SLIT3: variants seen among roughly 807,000 people sequenced by gnomAD.
The protein encoded by SLIT3 is slit homolog 3 protein.
SLIT3 carries 68 observed loss-of-function variants against 184.0 expected under a neutral mutation model. The observed-to-expected ratio is 0.37, with a 90% confidence interval of 0.30 to 0.45. SLIT3 has a LOEUF of 0.45. Among genes scored for constraint, SLIT3 ranks in the 20% least tolerant of loss-of-function variants. The pLI, the probability that SLIT3 is intolerant of heterozygous loss-of-function variation, is 1.00. For synonymous variants in SLIT3, 831 were observed against 828.6 expected (o/e 1.00, Z -0.05); for missense variants, 1,707 against 2,026.0 (o/e 0.84, Z 3.02).
At chr5:169,291,660 C>T (rs1767366244) in intron 1 of SLIT3, among the ~76,000 whole-genome samples, 1 of 152,180 alleles carries the variant, frequency 6.6e-6, no homozygotes, top group African/African-American at 2.4e-5. Flanking sequence ...TGATGCTTTG[C>T]CTCGAACAGG....
chr5:168,853,342 A>C (rs1401234195), intron 5 of SLIT3, among the ~76,000 whole-genome samples: 1 of 152,176 alleles, frequency 6.6e-6, no homozygotes, highest in East Asian at 1.9e-4. Flanking sequence ...GAAATTGCAA[A>C]ATTTAATCTC....
At chr5:168,730,292 A>G (rs547110676) in intron 20 of SLIT3, among the ~76,000 whole-genome samples, 1 of 152,220 alleles carries the variant, frequency 6.6e-6, no homozygotes, top group East Asian at 1.9e-4. Flanking sequence ...TCTTGGTAAC[A>G]CCCTACTGAC....
At chr5:169,056,862 T>C in intron 4 of SLIT3, among the ~76,000 whole-genome samples, 1 of 151,982 alleles carries the variant, frequency 6.6e-6, no homozygotes, top group East Asian at 1.9e-4. Context: ...TCTTACAGAG[T>C]CCAAACGCTC....
chr5:169,253,370 G>A (rs1765843607), intron 1 of SLIT3, among the ~76,000 whole-genome samples: 1 of 152,194 alleles, frequency 6.6e-6, no homozygotes, highest in Non-Finnish European at 1.5e-5. Flanking sequence ...CACACAAAGT[G>A]CACTGCTGAA....
chr5:169,121,004 C>G (rs1019164644), intron 4 of SLIT3, among the ~76,000 whole-genome samples: 4 of 152,164 alleles, frequency 2.6e-5, no homozygotes, highest in African/African-American at 9.7e-5. Context: ...ATGGAACATA[C>G]TATATTTTTC....
chr5:169,029,689 G>T (rs901610148), intron 4 of SLIT3, among the ~76,000 whole-genome samples: 1 of 152,222 alleles, frequency 6.6e-6, no homozygotes, highest in Non-Finnish European at 1.5e-5. Context: ...TTGGAAGGAA[G>T]TAGAAAATCA....
At chr5:169,284,503 G>C (rs1315458720) in intron 1 of SLIT3, among the ~76,000 whole-genome samples, 1 of 152,150 alleles carries the variant, frequency 6.6e-6, no homozygotes, top group Non-Finnish European at 1.5e-5. Context: ...AACACAAATT[G>C]TTAACTGTGG....
intron 6 of SLIT3, among the ~76,000 whole-genome samples, chr5:168,834,500 G>T (rs1033172530): frequency 2.0e-5 from 3 of 151,196 alleles, no homozygotes; most frequent in Admixed American, 6.6e-5. Context: ...GAGACCGGGG[G>T]GTCCAACATG....
At chr5:168,913,099 C>T (rs1761306567) in intron 4 of SLIT3, among the ~76,000 whole-genome samples, 1 of 152,340 alleles carries the variant, frequency 6.6e-6, no homozygotes, top group East Asian at 1.9e-4. Context: ...AAGCTCCTTA[C>T]CACTTGCCTG....
intron 4 of SLIT3, among the ~76,000 whole-genome samples, chr5:169,182,561 C>A (rs1763200557): frequency 6.6e-6 from 1 of 152,100 alleles, no homozygotes; most frequent in Non-Finnish European, 1.5e-5. Flanking sequence ...ACTATTTGTC[C>A]CCTGGAGGGA....
chr5:168,906,197 T>C (rs1761047941), intron 4 of SLIT3, among the ~76,000 whole-genome samples: 2 of 152,230 alleles, frequency 1.3e-5, no homozygotes, highest in South Asian at 4.1e-4. Flanking sequence ...TACCGTACTA[T>C]GCTATTATAC....
At chr5:168,900,852 A>C (rs1454344085) in intron 4 of SLIT3, among the ~76,000 whole-genome samples, 2 of 152,250 alleles carry the variant, frequency 1.3e-5, no homozygotes, top group Non-Finnish European at 1.5e-5. Flanking sequence ...AAGTGAAACA[A>C]GTCAGACATG....
chr5:169,229,428 C>T (rs1055938341), intron 3 of SLIT3, among the ~76,000 whole-genome samples: 1 of 152,148 alleles, frequency 6.6e-6, no homozygotes, highest in Non-Finnish European at 1.5e-5. Context: ...TACTTTAACA[C>T]ATACATACTT....
At chr5:168,840,764 C>T (rs1581134240) in intron 6 of SLIT3, among the ~76,000 whole-genome samples, 1 of 152,202 alleles carries the variant, frequency 6.6e-6, no homozygotes, top group South Asian at 2.1e-4. Context: ...CAATTAAGAA[C>T]CTTAAATGCC....
At position 168,933,512 on chromosome 5, in the gene SLIT3, A is replaced by G. The variant is rs566057929; in HGVS notation, c.414-50176T>C. Among the ~76,000 whole-genome samples the G allele has an allele frequency of 1.1e-3, 166 of 152,118 alleles. 1 individual carries two copies. Among genetic ancestry groups the G allele is most frequent in the Middle Eastern group, 3.4e-3 (1 of 294 alleles). On this transcript the variant is annotated intron_variant, in intron 4 of 35. Transcript: ENST00000519560. ...AGCTAAGATGGCACCACTGCACTCC[A>G]CCTGGGTGACAGAACAAGACTCCAT...
intron 20 of SLIT3, among the ~76,000 whole-genome samples, chr5:168,739,731 C>T (rs533014248): frequency 1.3e-5 from 2 of 152,316 alleles, no homozygotes; most frequent in East Asian, 3.9e-4. Context: ...CAGGCGTGAG[C>T]CACCGCACCC....
chr5:168,832,613 A>G (rs1041404260), intron 6 of SLIT3, among the ~76,000 whole-genome samples: 2 of 152,226 alleles, frequency 1.3e-5, no homozygotes, highest in Admixed American at 6.5e-5. Flanking sequence ...GGCTTGTCAT[A>G]TAAGTGAGTG....
intron 4 of SLIT3, among the ~76,000 whole-genome samples, chr5:169,124,316 G>A (rs1760998846): frequency 6.6e-6 from 1 of 152,120 alleles, no homozygotes; most frequent in African/African-American, 2.4e-5. Flanking sequence ...ACTTTTTGAA[G>A]TCCCCTTAAA....
chr5:168,748,431 T>C lies in SLIT3; in HGVS notation c.2141A>G (p.Asn714Ser). 6.6e-7 allele frequency: 1 copy of C among 1,524,382 alleles called. No homozygotes were observed. The highest frequency in any genetic ancestry group is 8.7e-7 in the Non-Finnish European group (1 of 1,148,366). The allele number at this position is 1,524,382 out of a possible 1,614,324, so 94.4% of individuals were successfully genotyped here. A position where few individuals can be genotyped will look rare whatever the true frequency, so the allele number is the denominator to read the frequency against. The change falls in exon 20 of 36, where the codon AAC becomes AGC. Residue 714 changes from asparagine (N) to serine (S), a missense_variant. Physicochemically the swap from Asn to Ser is conservative, Grantham distance 46. Around this residue, in one of 3 missense-constraint regions of SLIT3, gnomAD observed 1,307 missense variants for 1,511.6 expected, o/e 0.86. Transcript: ENST00000519560. ...VAIQDFTCDG[N>S]EESSCQLSPR... ...GCTCAGCTGGCAGCTACTCTCCTCG[T>C]TGCCTGTGGAGAGCCCCAGAGAGGG...
Sources: allele counts gnomAD v4.1 joint callset (sites outside exome capture counted in the v4.1 genomes callset), GRCh38; gene constraint gnomAD v4.1.1; regional missense constraint gnomAD v4.1.1; transcripts MANE v1.5; gene names NCBI Gene and HGNC (gene_info 2026-07-23, HGNC 2026-07-21).